DBF4: variants seen among roughly 807,000 people sequenced by gnomAD.
The protein encoded by DBF4 is protein DBF4 homolog A.
In DBF4, 25 loss-of-function variants were observed where a neutral mutation model predicts 76.6. The ratio of observed to expected loss-of-function variants is 0.33; its 90% confidence interval spans 0.24 to 0.46. The LOEUF is 0.46. Ranked by LOEUF, DBF4 falls within the 20% of genes least tolerant of loss-of-function variation. DBF4 has a pLI of 1.00. For missense variants in DBF4, 638 were observed against 760.8 expected, an observed-to-expected ratio of 0.84 and a Z score of 1.90; for synonymous variants, 213 against 258.0, an observed-to-expected ratio of 0.83 and a Z score of 1.67.
In DBF4 at chr7:87,908,084, T is replaced by A; in HGVS notation, c.1946T>A (p.Ile649Asn). Residue 649 changes from isoleucine (I) to asparagine (N), a missense_variant, in exon 12 of 12, where the codon ATT becomes AAT. Coordinates refer to ENST00000265728, the MANE Select transcript of DBF4 (RefSeq NM_006716.4). Reference sequence around the variant, plus strand: ...AGTGGTATATGCAATGTTTTAGATATTTGGGAAGAGGAAAATTCAGATAAT... The same window carrying A: ...AGTGGTATATGCAATGTTTTAGATAATTGGGAAGAGGAAAATTCAGATAAT... The part of the protein sequence containing the change: ...EKSGICNVLD[I>N]WEEENSDNLL... 6.2e-7 allele frequency: 1 copy of A among 1,611,230 alleles called. No individual in the cohort carries two copies. Among genetic ancestry groups the A allele is most frequent in the Non-Finnish European group, 8.5e-7 (1 of 1,179,156 alleles).
chr7:87,908,139 A>G lies in DBF4; in HGVS notation c.2001A>G (p.Ser667=), dbSNP rs753403802. ...NLLTAFFSSP[S]TSTFTGF ...TAACAGCGTTTTTCTCGTCCCCTTC[A>G]ACTTCTACATTTACTGGCTTTTAGA... The change falls in exon 12 of 12, where the codon TCA becomes TCG. Residue 667 remains serine, a synonymous_variant. Coordinates refer to ENST00000265728, the MANE Select transcript of DBF4 (RefSeq NM_006716.4). 32 of 1,593,334 alleles carry G rather than the reference A, an allele frequency of 2.0e-5. No homozygotes were observed. The Middle Eastern group carries it at 1.7e-3, about 83-fold the overall frequency.
At chr7:87,895,441 TG>T (rs1839609528) in intron 6 of DBF4, among the ~76,000 whole-genome samples, 1 of 152,198 alleles carries the variant, frequency 6.6e-6, no homozygotes, top group South Asian at 2.1e-4. Flanking sequence ...TTCTAAATGT[TG>T]TGTAGGCCCT....
chr7:87,907,230 T>G lies in DBF4; in HGVS notation c.1092T>G (p.Ser364Arg). 1.9e-6 allele frequency: 3 copies of G among 1,610,410 alleles called. No homozygotes were observed. The highest frequency in any genetic ancestry group is 1.7e-6 in the Non-Finnish European group (2 of 1,179,126). ...SVGSLSPVSA[S>R]VLKKTEQKEK... is the part of the protein sequence containing the mutation. ...GATCCCTTTCTCCTGTTTCTGCAAG[T>G]GTCCTGAAAAAGACTGAACAAAAGG... is the stretch of plus-strand genomic sequence containing the variant. The change falls in exon 12 of 12, where the codon AGT becomes AGG. Residue 364 changes from serine to arginine, a missense_variant. Physicochemically the swap from Ser to Arg is moderately radical, Grantham distance 110 (BLOSUM62 -1). Coordinates refer to ENST00000265728, the MANE Select transcript of DBF4 (RefSeq NM_006716.4).
chr7:87,897,240 A>AC, intron 7 of DBF4, 54 bp from the exon 8 acceptor site: 1 of 1,548,332 alleles, frequency 6.5e-7, no homozygotes, highest in Non-Finnish European at 8.7e-7. Flanking sequence ...TTTATTAAAA[A>AC]AAAAAAAGAA....
In DBF4 at chr7:87,907,197, C is replaced by T; in HGVS notation, c.1059C>T (p.Tyr353=). The part of the protein sequence containing the change: ...KDTPKKKRIK[Y]SVGSLSPVSA... ...TATTTTTCCTACAAAGAATAAAATA[C>T]AGTGTTGGATCCCTTTCTCCTGTTT... Residue 353 remains tyrosine (Y), a synonymous_variant, in exon 12 of 12, where the codon TAC becomes TAT. Coordinates refer to ENST00000265728, the MANE Select transcript of DBF4 (RefSeq NM_006716.4). The T allele has an allele frequency of 6.4e-6, 10 of 1,570,310 alleles. No homozygotes were observed. Among genetic ancestry groups the T allele is most frequent in the Non-Finnish European group, 8.6e-6 (10 of 1,164,104 alleles).
intron 5 of DBF4, 58 bp from the exon 6 acceptor site, chr7:87,887,925 A>G: frequency 6.4e-6 from 9 of 1,408,860 alleles, no homozygotes; most frequent in South Asian, 1.3e-5. Context: ...AGAAAATATC[A>G]CTGTTTAACT....
rs376881709 is a variant in DBF4 at position 87,908,012 on chromosome 7, G to A, written c.1874G>A (p.Ser625Asn). ...TCTTTACTAGACTTGTTTCAGACTA[G>A]TGAAGAGAAATCAGAATTTTTGGGT... ...VQSLLDLFQT[S>N]EEKSEFLGFT... The change falls in exon 12 of 12, where the codon AGT becomes AAT. Residue 625 changes from serine to asparagine, a missense_variant. Ser to Asn is a conservative substitution (Grantham distance 46, BLOSUM62 1). Coordinates refer to ENST00000265728, the MANE Select transcript of DBF4 (RefSeq NM_006716.4). 6.2e-7 allele frequency: 1 copy of A among 1,613,688 alleles called. No homozygotes were observed. Among genetic ancestry groups the A allele is most frequent in the African/African-American group, 1.3e-5 (1 of 74,908 alleles).
intron 4 of DBF4, 61 bp downstream of exon 4, chr7:87,886,955 T>G: frequency 9.0e-7 from 1 of 1,108,070 alleles, no homozygotes; most frequent in Non-Finnish European, 1.3e-6. Context: ...CAACTGGAAA[T>G]TACAGATATT....
intron 6 of DBF4, among the ~76,000 whole-genome samples, chr7:87,890,265 A>C (rs768697431): frequency 3.3e-5 from 5 of 152,276 alleles, no homozygotes; most frequent in African/African-American, 9.6e-5. Context: ...GGGGCTAAGC[A>C]TGGAGGCTTA....
At chr7:87,889,916 A>C (rs1447786885) in intron 6 of DBF4, among the ~76,000 whole-genome samples, 1 of 152,228 alleles carries the variant, frequency 6.6e-6, no homozygotes, top group East Asian at 1.9e-4. Context: ...TTTTCACAAA[A>C]TATAAGTGGA....
chr7:87,876,551 T>G lies in DBF4; in HGVS notation c.-182T>G, dbSNP rs1839040302. 8 of 642,330 alleles carry G rather than the reference T, an allele frequency of 1.2e-5. No individual in the cohort carries two copies. Among genetic ancestry groups the G allele is most frequent in the Non-Finnish European group, 2.2e-5 (8 of 366,470 alleles). 39.8% of individuals were successfully genotyped at this position (642,330 alleles called of 1,614,324 possible). A position where few individuals can be genotyped will look rare whatever the true frequency, so the allele number is the denominator to read the frequency against. ...CTTTGCGCCTTCCTCCTCCGCGCCT[T>G]GGAGCCGGATCCGGCCCCGGAAACC... is the stretch of plus-strand genomic sequence containing the variant. On this transcript the variant is annotated 5_prime_UTR_variant, in exon 1 of 12. Coordinates refer to ENST00000265728, the MANE Select transcript of DBF4 (RefSeq NM_006716.4).
chr7:87,878,157 T>G lies in DBF4; in HGVS notation c.151T>G (p.Phe51Val). 6.2e-7 allele frequency: 1 copy of G among 1,613,500 alleles called. No homozygotes were observed. The highest frequency in any genetic ancestry group is 8.5e-7 in the Non-Finnish European group (1 of 1,179,784). ...ATGTAAGCCACTTTGGGGAAAAGTATTTTACCTTGACTTACCTTCTGTCAC... is the reference window on the plus strand; with the variant it reads ...ATGTAAGCCACTTTGGGGAAAAGTAGTTTACCTTGACTTACCTTCTGTCAC... ...SKCKPLWGKV[F>V]YLDLPSVTIS... Residue 51 changes from phenylalanine to valine, a missense_variant, in exon 2 of 12, where the codon TTT becomes GTT. Coordinates refer to ENST00000265728, the MANE Select transcript of DBF4 (RefSeq NM_006716.4).
intron 11 of DBF4, among the ~76,000 whole-genome samples, chr7:87,905,589 T>C (rs911982370): frequency 5.3e-5 from 8 of 152,202 alleles, no homozygotes; most frequent in African/African-American, 1.9e-4. Flanking sequence ...CCTGATTAGA[T>C]TATTCCTATA....
rs57593184 is a variant in DBF4, at chr7:87,890,809, C to T, written c.597+2750C>T. ...CCATGCAGTAGGAGCCCTCATAAAA[C>T]GAAGAAAAGATAAAATAGCTATGAA... is the stretch of plus-strand genomic sequence containing the variant. On this transcript the variant is annotated intron_variant, in intron 6 of 11. Transcript: ENST00000265728. Among the ~76,000 whole-genome samples, 1,331 of 152,068 alleles carry T rather than the reference C, an allele frequency of 8.8e-3. 20 individuals carry two copies. The highest frequency in any genetic ancestry group is 0.03 in the African/African-American group (1,260 of 41,464).
In DBF4 at chr7:87,878,129, C is replaced by T. The variant is rs1839116430; in HGVS notation, c.123C>T (p.Ser41=). ...SLKTDNRPEK[S]KCKPLWGKVF... is the part of the protein sequence containing the mutation. ...AAACTGATAACAGGCCAGAAAAATCCAAATGTAAGCCACTTTGGGGAAAAG... is the reference window on the plus strand; with the variant it reads ...AAACTGATAACAGGCCAGAAAAATCTAAATGTAAGCCACTTTGGGGAAAAG... Residue 41 remains serine, a synonymous_variant, in exon 2 of 12, where the codon TCC becomes TCT. Coordinates refer to ENST00000265728, the MANE Select transcript of DBF4 (RefSeq NM_006716.4). 5.6e-6 allele frequency: 9 copies of T among 1,612,370 alleles called. No individual in the cohort carries two copies. The South Asian group carries it at 6.6e-5, about 12-fold the overall frequency.
intron 11 of DBF4, among the ~76,000 whole-genome samples, 167 bp from the exon 12 acceptor site, chr7:87,907,021 A>G (rs1223221565): frequency 3.9e-5 from 6 of 152,212 alleles, no homozygotes; most frequent in Admixed American, 1.3e-4. Flanking sequence ...AAACAGCTCA[A>G]GTAAATTTGG....
intron 2 of DBF4, among the ~76,000 whole-genome samples, chr7:87,880,042 G>A (rs1839174105): frequency 6.6e-6 from 1 of 151,686 alleles, no homozygotes; most frequent in Admixed American, 6.6e-5. Flanking sequence ...ATTAACTCTA[G>A]GTCTAATGGT....
intron 6 of DBF4, among the ~76,000 whole-genome samples, chr7:87,890,547 A>AATGG (rs1366419843): frequency 6.6e-6 from 1 of 152,046 alleles, no homozygotes; most frequent in Non-Finnish European, 1.5e-5. Flanking sequence ...TAAATAAATA[A>AATGG]ATGGATGGAT....
At chr7:87,904,537 C>A (rs537606175) in intron 11 of DBF4, 121 bp downstream of exon 11, 2 of 1,181,958 alleles carry the variant, frequency 1.7e-6, no homozygotes, top group Non-Finnish European at 2.3e-6. Flanking sequence ...GTCAGGAGTT[C>A]GAGACCAGCC....
Sources: allele counts gnomAD v4.1 joint callset (sites outside exome capture counted in the v4.1 genomes callset), GRCh38; gene constraint gnomAD v4.1.1; transcripts MANE v1.5; gene names NCBI Gene and HGNC (gene_info 2026-07-23, HGNC 2026-07-21).